CSMD1: variants seen among roughly 807,000 people sequenced by gnomAD.
CSMD1 encodes the protein CUB and sushi domain-containing protein 1.
A neutral mutation model predicts 417.5 loss-of-function variants in CSMD1; 213 were observed. The ratio of observed to expected loss-of-function variants is 0.51; its 90% CI spans 0.46 to 0.57. The LOEUF (loss-of-function observed/expected upper bound fraction) is 0.57. Ranked by LOEUF, CSMD1 falls within the 20% of genes least tolerant of loss-of-function variation. CSMD1 has a pLI of 0.00. For synonymous variants in CSMD1, 2,862 were observed against 1,736.8 expected (o/e 1.65, Z -16.11); for missense variants, 6,923 against 4,529.7 (o/e 1.53, Z -15.17).
chr8:4,557,320 C>G (rs892434424), intron 2 of CSMD1, among the ~76,000 whole-genome samples: 3 of 151,980 alleles, frequency 2.0e-5, no homozygotes, highest in Non-Finnish European at 2.9e-5. Flanking sequence ...TAGGTTCTAA[C>G]TGAAAAGAGG....
At chr8:3,451,848 T>G (rs573114073) in intron 12 of CSMD1, among the ~76,000 whole-genome samples, 6 of 152,316 alleles carry the variant, frequency 3.9e-5, no homozygotes, top group South Asian at 2.1e-4. Flanking sequence ...TCCAATTACG[T>G]GAAGAAAGTC....
intron 8 of CSMD1, among the ~76,000 whole-genome samples, chr8:3,594,188 C>T (rs560298454): frequency 7.9e-5 from 12 of 152,256 alleles, no homozygotes; most frequent in South Asian, 2.1e-4. Context: ...CACTCATTTA[C>T]GGCCGTCCCC....
Position 4,800,658 on chromosome 8 carries a change from G to T in CSMD1, c.86-163100C>A, listed in dbSNP as rs190948259. On this transcript the variant is annotated intron_variant, in intron 1 of 69. Coordinates refer to ENST00000635120, the MANE Select transcript of CSMD1 (RefSeq NM_033225.6). Reference sequence around the variant, plus strand: ...GTGCAATCCCCCAGGGGGCTGTGGAGCCTCAGAGTTGTCCAGGTCAGCTAC... The same window carrying T: ...GTGCAATCCCCCAGGGGGCTGTGGATCCTCAGAGTTGTCCAGGTCAGCTAC... Among the ~76,000 whole-genome samples, 39 of 152,332 alleles carry T rather than the reference G, an allele frequency of 2.6e-4. No individual in the cohort carries two copies. In the East Asian group the frequency reaches 6.4e-3, roughly 25 times the overall value.
intron 1 of CSMD1, among the ~76,000 whole-genome samples, chr8:4,657,043 A>C (rs1804275283): frequency 6.6e-6 from 1 of 152,208 alleles, no homozygotes; most frequent in African/African-American, 2.4e-5. Context: ...GCAAAAGATC[A>C]CAATGGAGGC....
intron 23 of CSMD1, among the ~76,000 whole-genome samples, chr8:3,338,106 C>A (rs1396064398): frequency 1.3e-5 from 2 of 152,144 alleles, no homozygotes; most frequent in Non-Finnish European, 2.9e-5. Flanking sequence ...AATGCAAATA[C>A]AAAAGGACCC....
At chr8:3,414,911 G>C (rs1286340168) in intron 12 of CSMD1, among the ~76,000 whole-genome samples, 1 of 152,016 alleles carries the variant, frequency 6.6e-6, no homozygotes, top group Non-Finnish European at 1.5e-5. Flanking sequence ...CGTGTCTCTA[G>C]CACCACTCTC....
chr8:3,566,424 T>C (rs1466965059), intron 10 of CSMD1, among the ~76,000 whole-genome samples: 1 of 152,088 alleles, frequency 6.6e-6, no homozygotes, highest in Non-Finnish European at 1.5e-5. Context: ...CCCTTCACTC[T>C]AGGCACCACT....
chr8:3,142,851 C>T (rs1392730266), intron 40 of CSMD1, among the ~76,000 whole-genome samples, 177 bp from the exon 41 acceptor site: 2 of 152,226 alleles, frequency 1.3e-5, no homozygotes, highest in East Asian at 1.9e-4. Flanking sequence ...CTCCATCTTA[C>T]CTCTGCCACT....
intron 6 of CSMD1, among the ~76,000 whole-genome samples, chr8:3,732,633 G>A (rs559283925): frequency 6.6e-6 from 1 of 152,172 alleles, no homozygotes; most frequent in African/African-American, 2.4e-5. Context: ...GACCTTTTTG[G>A]TTTGTTTGCT....
rs536231815 is a variant in CSMD1 at position 3,458,747 on chromosome 8, A to G, written c.1561+9965T>C. 7.9e-5 allele frequency among the ~76,000 whole-genome samples: 12 copies of G among 152,326 alleles called. No individual in the cohort carries two copies. In the Middle Eastern group the frequency reaches 0.01, roughly 130 times the overall value. On this transcript the variant is annotated intron_variant, in intron 12 of 69. Transcript: ENST00000635120. ...ATATTTGGTTTGTAAATGGCTCTTAATATCTTTGGTTACTAAATGGCTCAC... is the reference window on the plus strand; with the variant it reads ...ATATTTGGTTTGTAAATGGCTCTTAGTATCTTTGGTTACTAAATGGCTCAC...
chr8:3,247,982 A>G (rs552996147), intron 26 of CSMD1, among the ~76,000 whole-genome samples: 2 of 152,168 alleles, frequency 1.3e-5, no homozygotes, highest in South Asian at 2.1e-4. Context: ...CAGGTCGCCA[A>G]TTGTTTACTT....
chr8:3,819,123 G>T (rs1414006962), intron 5 of CSMD1, among the ~76,000 whole-genome samples: 1 of 152,206 alleles, frequency 6.6e-6, no homozygotes, highest in African/African-American at 2.4e-5. Context: ...ATGGGGGAAA[G>T]ATTTGCTGGT....
In CSMD1 at chr8:3,119,054, C is replaced by A. The variant is rs536476457; in HGVS notation, c.6242-467G>T. 2.6e-5 allele frequency among the ~76,000 whole-genome samples: 4 copies of A among 152,108 alleles called. No homozygotes were observed. The South Asian group carries it at 8.3e-4, about 32-fold the overall frequency. ...AGTTAGCCTGGCGTGGTGGCGGGCG[C>A]CTGTAGTCCCAGCTACTCAGGAGGC... On this transcript the variant is annotated intron_variant, in intron 41 of 69. Transcript: ENST00000635120.
At chr8:3,020,981 A>C (rs911560015) in intron 51 of CSMD1, among the ~76,000 whole-genome samples, 2 of 152,236 alleles carry the variant, frequency 1.3e-5, no homozygotes, top group African/African-American at 4.8e-5. Flanking sequence ...CCTTTTCCCA[A>C]ACAGGGTGAA....
intron 1 of CSMD1, among the ~76,000 whole-genome samples, chr8:4,659,162 T>A (rs1804425315): frequency 6.6e-6 from 1 of 151,988 alleles, no homozygotes; most frequent in African/African-American, 2.4e-5. Flanking sequence ...ATAAAAAGTT[T>A]CCTGGAGACA....
intron 46 of CSMD1, among the ~76,000 whole-genome samples, chr8:3,100,887 G>A (rs1205541685): frequency 1.3e-5 from 2 of 152,038 alleles, no homozygotes; most frequent in East Asian, 1.9e-4. Flanking sequence ...TGTGAACTAG[G>A]GAAAAGGCTG....
intron 7 of CSMD1, among the ~76,000 whole-genome samples, chr8:3,673,252 A>C (rs1473100771): frequency 6.6e-6 from 1 of 152,228 alleles, no homozygotes; most frequent in East Asian, 1.9e-4. Flanking sequence ...GTTTCTATTG[A>C]ACACATGCTC....
At chr8:3,300,906 C>G (rs1390753035) in intron 25 of CSMD1, among the ~76,000 whole-genome samples, 1 of 135,262 alleles carries the variant, frequency 7.4e-6, no homozygotes. Flanking sequence ...TTGCAGTGAG[C>G]CAGGATTGCG....
chr8:3,187,200 C>T (rs575253952), intron 36 of CSMD1, among the ~76,000 whole-genome samples: 8 of 152,286 alleles, frequency 5.3e-5, no homozygotes, highest in African/African-American at 1.9e-4. Context: ...AGTCCTAATG[C>T]TATTACAGTG....
Sources: allele counts gnomAD v4.1 joint callset (sites outside exome capture counted in the v4.1 genomes callset), GRCh38; gene constraint gnomAD v4.1.1; transcripts MANE v1.5; gene names NCBI Gene and HGNC (gene_info 2026-07-23, HGNC 2026-07-21).